The following VBP1 variants were observed in gnomAD, a reference collection of about 807,000 sequenced individuals.
VBP1 encodes the protein prefoldin subunit 3.
In VBP1, 4 loss-of-function variants were observed where a neutral mutation model predicts 15.5. The observed-to-expected ratio is 0.26, with a 90% CI of 0.13 to 0.59. VBP1 has a LOEUF of 0.59. VBP1 is among the 20% of genes least tolerant of loss of function. VBP1 has a pLI of 0.90. For synonymous variants in VBP1, 61 were observed against 52.1 expected (o/e 1.17, Z -0.74); for missense variants, 108 against 139.6 (o/e 0.77, Z 1.14).
chrX:155,202,289 C>T (rs1407418909), intron 1 of VBP1, among the ~76,000 whole-genome samples: 2 of 111,165 alleles, frequency 1.8e-5, no homozygotes, highest in Non-Finnish European at 1.9e-5. Context: ...AAAAAGAGCC[C>T]GCATTGCCAA....
chrX:155,204,139 A>G (rs980906672), intron 1 of VBP1, among the ~76,000 whole-genome samples: 2 of 111,471 alleles, frequency 1.8e-5, no homozygotes, highest in Admixed American at 9.5e-5. Flanking sequence ...CTAGAGAACC[A>G]TAAAGAAGGG....
Position 155,224,439 on chromosome X carries a change from A to G in VBP1, c.219-2796A>G, listed in dbSNP as rs1353947911. ...ACACAGCGAAACCCTGTCTCCACCAAAAAAATACGAAAACCAGTCAGGCGT... is the reference window on the plus strand; with the variant it reads ...ACACAGCGAAACCCTGTCTCCACCAGAAAAATACGAAAACCAGTCAGGCGT... On this transcript the variant is annotated intron_variant, in intron 2 of 5. Transcript: ENST00000286428. 4.4e-5 allele frequency among the ~76,000 whole-genome samples: 5 copies of G among 112,676 alleles called. No individual in the cohort carries two copies. The East Asian group carries it at 1.4e-3, about 32-fold the overall frequency.
Position 155,199,138 on chromosome X carries a change from T to A in VBP1, c.-31+1999T>A, listed in dbSNP as rs2074591065. ...AGACCAAATCTACAACTGATTGGTG[T>A]ACCTGAAAGTGACGGGGAGAATGGA... is the stretch of plus-strand genomic sequence containing the variant. On this transcript the variant is annotated intron_variant, in intron 1 of 6. Transcript: ENST00000535916. Among the ~76,000 whole-genome samples, 3 of 111,667 alleles carry A rather than the reference T, an allele frequency of 2.7e-5. No individual in the cohort carries two copies. In the South Asian group the frequency reaches 1.1e-3, roughly 41 times the overall value.
chrX:155,206,712 G>A (rs1456560628), intron 1 of VBP1, among the ~76,000 whole-genome samples: 1 of 110,999 alleles, frequency 9.0e-6, no homozygotes, highest in African/African-American at 3.3e-5. Flanking sequence ...GCAAGGAAAT[G>A]AGAAGGAACC....
At chrX:155,223,711 G>A (rs1422819707) in intron 2 of VBP1, among the ~76,000 whole-genome samples, 1 of 112,725 alleles carries the variant, frequency 8.9e-6, no homozygotes, top group African/African-American at 3.2e-5. Flanking sequence ...GAGCTGTTGG[G>A]TACACCTCCC....
At chrX:155,199,510 GC>G (rs1444286675) in intron 1 of VBP1, among the ~76,000 whole-genome samples, 1 of 111,684 alleles carries the variant, frequency 9.0e-6, no homozygotes, top group Non-Finnish European at 1.9e-5. Context: ...GTCCAACTAA[GC>G]TTCATAAGTG....
chrX:155,225,100 G>A (rs1204673133), intron 2 of VBP1, among the ~76,000 whole-genome samples: 1 of 111,720 alleles, frequency 9.0e-6, no homozygotes, highest in Non-Finnish European at 1.9e-5. Flanking sequence ...ATATGGTAGA[G>A]GTTGTTGAAT....
In VBP1 at chrX:155,201,486, A is replaced by G. The variant is rs1207430894; in HGVS notation, c.-31+4347A>G. The stretch of plus-strand genomic sequence containing the variant: ...CAAATCAATAAATGTAATCCAGCAT[A>G]TAAACAGAACCAAAGACAAAAACCA... On this transcript the variant is annotated intron_variant, in intron 1 of 6. Coordinates refer to the VBP1 transcript ENST00000535916. 7.6e-5 allele frequency among the ~76,000 whole-genome samples: 7 copies of G among 91,510 alleles called. 1 individual carries two copies. Among genetic ancestry groups the G allele is most frequent in the Non-Finnish European group, 1.3e-4 (6 of 47,749 alleles). 79.5% of individuals were successfully genotyped at this position (91,510 alleles called of 115,157 possible).
chrX:155,200,411 C>G (rs2074598102), intron 1 of VBP1, among the ~76,000 whole-genome samples: 1 of 110,277 alleles, frequency 9.1e-6, no homozygotes, highest in African/African-American at 3.3e-5. Flanking sequence ...CAAACTGTCT[C>G]TCAGACCACA....
At chrX:155,233,131 A>G (rs187913515) in intron 4 of VBP1, among the ~76,000 whole-genome samples, 300 of 112,677 alleles carry the variant, frequency 2.7e-3, no homozygotes, top group Middle Eastern at 0.018. Flanking sequence ...CTAGCTGTAT[A>G]GGTCAGAAAT....
chrX:155,208,069 G>A (rs1175500932), intron 1 of VBP1, among the ~76,000 whole-genome samples: 1 of 111,943 alleles, frequency 8.9e-6, no homozygotes, highest in Non-Finnish European at 1.9e-5. Flanking sequence ...AGAAGTGAGG[G>A]AAAAGATCAA....
At chrX:155,210,925 G>A (rs782398481) in intron 2 of VBP1, among the ~76,000 whole-genome samples, 2 of 111,846 alleles carry the variant, frequency 1.8e-5, no homozygotes, top group African/African-American at 6.5e-5. Flanking sequence ...TGGCTTTCTT[G>A]AAACTGTAAT....
rs782692036 is a variant in VBP1 at position 155,231,969 on chromosome X, G to C, written c.384+3487G>C. On this transcript the variant is annotated intron_variant, in intron 4 of 5. Transcript: ENST00000286428. ...TTTGAAATGGAATTGTTGTGTCTAA[G>C]AGTATGCACATTTAACATGTTGATG... 4.5e-5 allele frequency among the ~76,000 whole-genome samples: 5 copies of C among 111,930 alleles called. No individual in the cohort carries two copies. In the East Asian group the frequency reaches 1.4e-3, roughly 31 times the overall value.
At chrX:155,202,263 A>C (rs781798313) in intron 1 of VBP1, among the ~76,000 whole-genome samples, 7 of 111,361 alleles carry the variant, frequency 6.3e-5, no homozygotes, top group East Asian at 2.8e-4. Flanking sequence ...AAAATTTTAA[A>C]GTTCATATGG....
At chrX:155,200,099 T>A (rs375279641) in intron 1 of VBP1, among the ~76,000 whole-genome samples, 24 of 88,004 alleles carry the variant, frequency 2.7e-4, no homozygotes, top group South Asian at 1.2e-3. Context: ...GAGCACCCAG[T>A]TTCATAAAGC....
intron 1 of VBP1, among the ~76,000 whole-genome samples, chrX:155,219,854 C>T (rs113468534): frequency 0.021 from 2,319 of 110,627 alleles, 36 homozygotes; most frequent in Middle Eastern, 0.042. Context: ...CCAGAATGCT[C>T]TAAAATCCAA....
At position 155,198,390 on chromosome X, in the gene VBP1, C is replaced by T. The variant is rs941919039; in HGVS notation, c.-31+1251C>T. Among the ~76,000 whole-genome samples, 17 of 111,418 alleles carry T rather than the reference C, an allele frequency of 1.5e-4. 1 individual carries two copies. The highest frequency in any genetic ancestry group is 3.7e-4 in the South Asian group (1 of 2,684). On this transcript the variant is annotated intron_variant, in intron 1 of 6. Transcript: ENST00000535916. ...AGGGGCAGACTGACACCTCACACGGCGGGGTACTCCTCTGAGACAAAACTT... is the reference window on the plus strand; with the variant it reads ...AGGGGCAGACTGACACCTCACACGGTGGGGTACTCCTCTGAGACAAAACTT...
chrX:155,212,013 TTAA>T (rs1432466585), upstream of VBP1, among the ~76,000 whole-genome samples: 1 of 112,450 alleles, frequency 8.9e-6, no homozygotes, highest in African/African-American at 3.2e-5. Context: ...TTCAATCTAC[TTAA>T]TAATATGTGC....
In VBP1 at chrX:155,209,065, C is replaced by T. The variant is rs1245693205; in HGVS notation, c.78+84C>T. The T allele has an allele frequency of 9.4e-6, 8 of 849,413 alleles. No individual in the cohort carries two copies. The East Asian group carries it at 2.8e-4, about 29-fold the overall frequency. 70.0% of individuals were successfully genotyped at this position (849,413 alleles called of 1,213,427 possible). ...GGATCAGTGTTATAATGGAGTTTTG[C>T]AACATAGCCATCTTTTGTATACTGT... On this transcript the variant is annotated intron_variant, in intron 2 of 6. Coordinates refer to the VBP1 transcript ENST00000535916.
Sources: allele counts gnomAD v4.1 joint callset (sites outside exome capture counted in the v4.1 genomes callset), GRCh38; gene constraint gnomAD v4.1.1; transcripts MANE v1.5; gene names NCBI Gene and HGNC (gene_info 2026-07-23, HGNC 2026-07-21).